The following ANKRD36 variants were observed in gnomAD, a reference collection of about 807,000 sequenced individuals.
ANKRD36 encodes ankyrin repeat domain 36.
In ANKRD36, 179 loss-of-function variants were observed where a neutral mutation model predicts 278.1. That is an observed-to-expected ratio of 0.64 (90% CI 0.57 to 0.73). The LOEUF is 0.73. Ranked by LOEUF, ANKRD36 falls within the 30% of genes least tolerant of loss-of-function variation. The pLI is 0.00. For missense variants in ANKRD36, 1,159 were observed against 1,956.7 expected (o/e 0.59, Z 7.69); for synonymous variants, 320 against 641.1 (o/e 0.50, Z 7.57).
rs375916907 is a variant in ANKRD36, at chr2:97,229,089, G to A, written c.3951+4210G>A. On this transcript the variant is annotated intron_variant, in intron 67 of 75. Transcript: ENST00000420699. ...GTCAATTTTGGAATAGGTGTGGTGT[G>A]GTGCTGAAAAAAATGTATATTCTGT... Among the ~76,000 whole-genome samples, 146 of 151,570 alleles carry A rather than the reference G, an allele frequency of 9.6e-4. No individual in the cohort carries two copies. In the East Asian group the frequency reaches 0.011, roughly 11 times the overall value.
At position 97,217,286 on chromosome 2, in the gene ANKRD36, C is replaced by T. The variant is rs907616066; in HGVS notation, c.3703-14C>T. The T allele has an allele frequency of 9.7e-6, 15 of 1,549,128 alleles. No homozygotes were observed. The highest frequency in any genetic ancestry group is 1.2e-5 in the Non-Finnish European group (14 of 1,147,376). ...ATATTATGTATTGACTATTTTGTTT[C>T]TCTTTCCATTCAGGTTATATTTAAA... is the stretch of plus-strand genomic sequence containing the variant. On this transcript the variant is annotated splice_polypyrimidine_tract_variant and intron_variant, in intron 63 of 75. Transcript: ENST00000420699.
intron 46 of ANKRD36, among the ~76,000 whole-genome samples, chr2:97,201,758 A>C (rs1490844172): frequency 1.3e-5 from 2 of 151,904 alleles, no homozygotes; most frequent in Non-Finnish European, 2.9e-5. Context: ...CTTCTCAGTT[A>C]TTGGGCATGT....
Position 97,207,943 on chromosome 2 carries a change from G to T in ANKRD36, c.3202G>T (p.Ala1068Ser). 1 of 1,529,602 alleles carries T rather than the reference G, an allele frequency of 6.5e-7. No homozygotes were observed. Among genetic ancestry groups the T allele is most frequent in the Non-Finnish European group, 8.8e-7 (1 of 1,135,636 alleles). The allele number at this position is 1,529,602 out of a possible 1,614,324, so 94.8% of individuals were successfully genotyped here. ...TTGAAATTCCATTCAGGCTACAAGT[G>T]CCGAGAAAGATTCTGTTTTGAATAT... Reference protein sequence around the residue: ...EKPSGLKATSAEKDSVLNIAR... With the variant: ...EKPSGLKATSSEKDSVLNIAR... The change falls in exon 54 of 76, where the codon GCC (alanine) becomes TCC (serine). Residue 1068 changes from alanine (A) to serine (S), a missense_variant. Transcript: ENST00000420699.
intron 66 of ANKRD36, among the ~76,000 whole-genome samples, chr2:97,222,379 T>C (rs1472395278): frequency 1.3e-5 from 2 of 152,112 alleles, no homozygotes; most frequent in African/African-American, 2.4e-5. Context: ...GGTAGCTGTA[T>C]TTTTAATTTT....
At chr2:97,250,356 TTTG>T (rs1362796280) in intron 75 of ANKRD36, among the ~76,000 whole-genome samples, 183 bp downstream of exon 75, 1 of 145,276 alleles carries the variant, frequency 6.9e-6, no homozygotes, top group Non-Finnish European at 1.5e-5. Context: ...ATACTTATGC[TTTG>T]TTAATTCATC....
intron 36 of ANKRD36, among the ~76,000 whole-genome samples, 159 bp from the exon 37 acceptor site, chr2:97,192,699 A>G (rs2058785309): frequency 6.6e-6 from 1 of 151,658 alleles, no homozygotes; most frequent in Non-Finnish European, 1.5e-5. Flanking sequence ...TTTTCAGTGT[A>G]TTTCTGTCAC....
At chr2:97,220,463 C>T (rs1320217216) in intron 66 of ANKRD36, among the ~76,000 whole-genome samples, 76 of 151,246 alleles carry the variant, frequency 5.0e-4, no homozygotes, top group African/African-American at 1.8e-3. Context: ...AAATTTCTCA[C>T]ACCCACAAAG....
chr2:97,139,247 A>G (rs2042263812), intron 6 of ANKRD36, among the ~76,000 whole-genome samples: 1 of 152,006 alleles, frequency 6.6e-6, no homozygotes, highest in African/African-American at 2.4e-5. Flanking sequence ...AGGGTTCCCT[A>G]TACTACTAAA....
intron 34 of ANKRD36, among the ~76,000 whole-genome samples, chr2:97,190,388 A>C (rs62154805): frequency 0.12 from 7,667 of 61,852 alleles, 534 homozygotes; most frequent in Non-Finnish European, 0.28. Flanking sequence ...AATTATTACA[A>C]CACATGGGTG....
intron 66 of ANKRD36, among the ~76,000 whole-genome samples, chr2:97,221,264 A>G (rs2067581093): frequency 1.9e-5 from 2 of 104,154 alleles, no homozygotes; most frequent in Non-Finnish European, 3.4e-5. Context: ...TTATAGCAGC[A>G]TGATTTATAG....
chr2:97,180,674 T>C (rs1289723847), intron 24 of ANKRD36, among the ~76,000 whole-genome samples: 1 of 151,628 alleles, frequency 6.6e-6, no homozygotes, highest in Admixed American at 6.6e-5. Context: ...TATGAATACA[T>C]TGGCTTCCTT....
intron 66 of ANKRD36, among the ~76,000 whole-genome samples, chr2:97,219,704 C>T (rs1276071070): frequency 1.5e-5 from 2 of 137,466 alleles, no homozygotes; most frequent in Non-Finnish European, 3.0e-5. Flanking sequence ...TGGTCTTGAG[C>T]TCTCGACCTC....
In ANKRD36 at chr2:97,181,636, G is replaced by A. The variant is rs759857678; in HGVS notation, c.1764+10G>A. On this transcript the variant is annotated intron_variant, in intron 25 of 75. Transcript: ENST00000420699. ...ACAACCAGCTGAGAAGGTAATTAAA[G>A]TCTCATTTATATGTTGAACTATTAA... The A allele has an allele frequency of 6.2e-7, 1 of 1,602,262 alleles. No individual in the cohort carries two copies. The highest frequency in any genetic ancestry group is 1.3e-5 in the African/African-American group (1 of 74,590).
intron 3 of ANKRD36, among the ~76,000 whole-genome samples, chr2:97,121,837 A>G (rs1207839636): frequency 6.6e-6 from 1 of 151,484 alleles, no homozygotes; most frequent in Admixed American, 6.6e-5. Flanking sequence ...TAAAGGAGTT[A>G]TGTACCAGGG....
intron 30 of ANKRD36, among the ~76,000 whole-genome samples, 192 bp from the exon 31 acceptor site, chr2:97,187,006 A>G (rs960268692): frequency 6.6e-6 from 1 of 151,894 alleles, no homozygotes; most frequent in African/African-American, 2.4e-5. Flanking sequence ...TTAGGAATAT[A>G]TCGTGGCACA....
intron 68 of ANKRD36, among the ~76,000 whole-genome samples, chr2:97,234,987 T>C (rs1340111862): frequency 7.1e-6 from 1 of 140,162 alleles, no homozygotes; most frequent in Non-Finnish European, 1.5e-5. Context: ...TGCTTTGTAG[T>C]ATCTTTTGAA....
chr2:97,128,271 TC>T (rs2039145615), intron 6 of ANKRD36, among the ~76,000 whole-genome samples: 1 of 151,586 alleles, frequency 6.6e-6, no homozygotes, highest in South Asian at 2.1e-4. Flanking sequence ...TGAGAAGCTA[TC>T]CTGTGACAAA....
Position 97,113,946 on chromosome 2 carries a change from G to A in ANKRD36, c.197+10G>A, listed in dbSNP as rs1574434938. On this transcript the variant is annotated intron_variant, in intron 1 of 75. Transcript: ENST00000420699. ...GAGACAGGAAGGAAAGGTAATGGGG[G>A]CCGGGAGCCGGGGCTGCGGGAGGAG... 3.1e-6 allele frequency: 5 copies of A among 1,608,108 alleles called. No homozygotes were observed. Among genetic ancestry groups the A allele is most frequent in the Non-Finnish European group, 4.2e-6 (5 of 1,177,884 alleles).
chr2:97,133,844 G>C (rs568309193), intron 6 of ANKRD36, among the ~76,000 whole-genome samples: 1 of 133,468 alleles, frequency 7.5e-6, no homozygotes, highest in African/African-American at 2.6e-5. Flanking sequence ...CCCCCCTCAC[G>C]TGCATAGCTC....
Sources: gnomAD v4.1 joint callset for allele counts (sites outside exome capture counted in the v4.1 genomes callset) on GRCh38, gnomAD v4.1.1 for gene constraint, MANE v1.5 for transcripts, NCBI Gene and HGNC (gene_info 2026-07-23, HGNC 2026-07-21) for gene names.